Variants in ZSWIM5 observed in about 807,000 individuals in gnomAD.
ZSWIM5 encodes zinc finger SWIM domain-containing protein 5.
Under a neutral mutation model 119.6 loss-of-function variants are expected in ZSWIM5, and 55 were observed. The ratio of observed to expected loss-of-function variants is 0.46; its 90% CI spans 0.37 to 0.58. ZSWIM5 has a LOEUF of 0.58. Among genes scored for constraint, ZSWIM5 ranks in the 20% least tolerant of loss-of-function variants. The pLI is 0.00. For synonymous variants in ZSWIM5, 537 were observed against 606.9 expected (o/e 0.88, Z 1.69); for missense variants, 1,193 against 1,512.8 (o/e 0.79, Z 3.51).
At chr1:45,196,817 T>A (rs554515593) in intron 1 of ZSWIM5, among the ~76,000 whole-genome samples, 1 of 152,204 alleles carries the variant, frequency 6.6e-6, no homozygotes, top group Non-Finnish European at 1.5e-5. Context: ...ACCACTACAG[T>A]CATTAACATT....
chr1:45,159,104 C>T (rs1029386981), intron 1 of ZSWIM5, among the ~76,000 whole-genome samples: 30 of 152,044 alleles, frequency 2.0e-4, no homozygotes, highest in African/African-American at 7.0e-4. Context: ...TTTTAAAAAG[C>T]TTAACCTAAA....
intron 1 of ZSWIM5, among the ~76,000 whole-genome samples, chr1:45,162,028 T>C (rs1197024503): frequency 6.6e-6 from 1 of 152,184 alleles, no homozygotes; most frequent in Non-Finnish European, 1.5e-5. Context: ...AGCCATCCTA[T>C]GTTCATTCTT....
intron 1 of ZSWIM5, among the ~76,000 whole-genome samples, chr1:45,106,368 C>T (rs998718221): frequency 7.0e-6 from 1 of 142,558 alleles, no homozygotes; most frequent in East Asian, 2.1e-4. Flanking sequence ...GTGGGGAGCG[C>T]CTCTGCCCGG....
At chr1:45,032,554 C>T (rs12735549) in intron 11 of ZSWIM5, among the ~76,000 whole-genome samples, 35,796 of 148,908 alleles carry the variant, frequency 0.24, 4,589 homozygotes, top group Admixed American at 0.33. Flanking sequence ...TGGTGCAACT[C>T]GGCTCACCGC....
chr1:45,196,862 C>G (rs1489213054), intron 1 of ZSWIM5, among the ~76,000 whole-genome samples: 1 of 152,170 alleles, frequency 6.6e-6, no homozygotes, highest in Non-Finnish European at 1.5e-5. Flanking sequence ...ACCTACAAAC[C>G]TGAGCCAATC....
intron 2 of ZSWIM5, among the ~76,000 whole-genome samples, chr1:45,062,596 G>C (rs1033085927): frequency 6.6e-6 from 1 of 152,018 alleles, no homozygotes; most frequent in Non-Finnish European, 1.5e-5. Flanking sequence ...AACCTCCTGC[G>C]CTCAAGTGAT....
chr1:45,111,215 G>A (rs1418449787), intron 1 of ZSWIM5, among the ~76,000 whole-genome samples: 1 of 152,156 alleles, frequency 6.6e-6, no homozygotes, highest in Non-Finnish European at 1.5e-5. Flanking sequence ...AGGCAGATAG[G>A]TGCTAAGATC....
chr1:45,150,184 A>G (rs1645788020), intron 1 of ZSWIM5, among the ~76,000 whole-genome samples: 1 of 151,282 alleles, frequency 6.6e-6, no homozygotes, highest in South Asian at 2.1e-4. Flanking sequence ...AAAAAAAAAA[A>G]AAAAAAAGAA....
In ZSWIM5 at chr1:45,206,301, G is replaced by A; in HGVS notation, c.50C>T (p.Ser17Phe). Residue 17 changes from serine to phenylalanine, a missense_variant, in exon 1 of 14, where the codon TCT becomes TTT. Ser to Phe is a radical substitution (Grantham distance 155). Transcript: ENST00000359600. ...REELLSPSPVSPAKRQCSWPS... is the reference protein window; with the variant it reads ...REELLSPSPVFPAKRQCSWPS... ...CCACGAACACTGCCGCTTAGCCGGA[G>A]AGACCGGTGACGGCGAGAGCAGCTC... 1.9e-6 allele frequency: 3 copies of A among 1,554,436 alleles called. No individual in the cohort carries two copies.
intron 1 of ZSWIM5, among the ~76,000 whole-genome samples, chr1:45,114,023 T>G (rs1375348686): frequency 6.6e-6 from 1 of 152,230 alleles, no homozygotes; most frequent in Non-Finnish European, 1.5e-5. Context: ...TGGCCAACCA[T>G]TCAAGCAAAC....
intron 1 of ZSWIM5, among the ~76,000 whole-genome samples, chr1:45,199,950 C>T (rs1443604972): frequency 6.6e-6 from 1 of 152,166 alleles, no homozygotes; most frequent in Non-Finnish European, 1.5e-5. Flanking sequence ...GAACCAAGAA[C>T]AAGTTAATAA....
At chr1:45,100,536 T>C (rs1411442881) in intron 1 of ZSWIM5, among the ~76,000 whole-genome samples, 1 of 152,072 alleles carries the variant, frequency 6.6e-6, no homozygotes, top group Non-Finnish European at 1.5e-5. Flanking sequence ...CTTCACAGAA[T>C]TGGAAAAAAC....
rs907846518 is a variant in ZSWIM5, at chr1:45,106,644, C to T, written c.596-18407G>A. On this transcript the variant is annotated intron_variant, in intron 1 of 13. Transcript: ENST00000359600. ...GAAGTGAGGCGCGCCTCTGCCCGGC[C>T]GCCCCGTCTGGGAAGTGAGGAGCGC... 5.3e-5 allele frequency among the ~76,000 whole-genome samples: 8 copies of T among 151,118 alleles called. No homozygotes were observed. In the Middle Eastern group the frequency reaches 0.01, roughly 194 times the overall value.
chr1:45,190,592 G>A (rs1396464752), intron 1 of ZSWIM5, among the ~76,000 whole-genome samples: 1 of 152,114 alleles, frequency 6.6e-6, no homozygotes, highest in Non-Finnish European at 1.5e-5. Context: ...GAAATGTAGC[G>A]CTCGGATCCT....
At chr1:45,062,797 C>A (rs1268422017) in intron 2 of ZSWIM5, among the ~76,000 whole-genome samples, 4 of 152,104 alleles carry the variant, frequency 2.6e-5, no homozygotes, top group African/African-American at 7.2e-5. Context: ...ACCCACCATA[C>A]CTGGCCGAGT....
intron 7 of ZSWIM5, among the ~76,000 whole-genome samples, chr1:45,039,926 G>A (rs533380038): frequency 7.2e-5 from 11 of 152,026 alleles, no homozygotes; most frequent in African/African-American, 2.2e-4. Context: ...GGCTGGTCTC[G>A]AACTCCCGAC....
rs74553604 is a variant in ZSWIM5 at position 45,175,973 on chromosome 1, T to C, written c.595+29783A>G. ...CACAAGAACATGTTCAAGGCTCATT[T>C]GATACTTTCTCTGCCTCACCCCTAA... On this transcript the variant is annotated intron_variant, in intron 1 of 13. Transcript: ENST00000359600. Among the ~76,000 whole-genome samples, 1,370 of 151,992 alleles carry C rather than the reference T, an allele frequency of 9.0e-3. 22 individuals are homozygous for C. The highest frequency in any genetic ancestry group is 0.014 in the Non-Finnish European group (942 of 67,932).
At chr1:45,195,512 C>T (rs935453302) in intron 1 of ZSWIM5, among the ~76,000 whole-genome samples, 4 of 151,654 alleles carry the variant, frequency 2.6e-5, no homozygotes, top group Non-Finnish European at 5.9e-5. Context: ...GGATTACAAG[C>T]GTAAGCCACT....
intron 7 of ZSWIM5, 108 bp downstream of exon 7, chr1:45,040,284 A>T: frequency 8.2e-7 from 1 of 1,214,880 alleles, no homozygotes; most frequent in East Asian, 2.5e-5. Flanking sequence ...CATTCCACAC[A>T]GCAAGGAGAA....
Sources: gnomAD v4.1 joint callset for allele counts (sites outside exome capture counted in the v4.1 genomes callset) on GRCh38, gnomAD v4.1.1 for gene constraint, MANE v1.5 for transcripts, NCBI Gene and HGNC (gene_info 2026-07-23, HGNC 2026-07-21) for gene names.